RASSF5: variants seen among roughly 807,000 people sequenced by gnomAD.
RASSF5 encodes the protein ras association domain-containing protein 5.
RASSF5 carries 25 observed loss-of-function variants against 40.5 expected under a neutral mutation model. The ratio of observed to expected loss-of-function variants is 0.62; its 90% CI spans 0.45 to 0.86. The LOEUF is 0.86. Ranked by LOEUF, RASSF5 falls within the 40% of genes least tolerant of loss-of-function variation. The pLI is 0.00. For missense variants in RASSF5, 521 were observed against 572.8 expected, an observed-to-expected ratio of 0.91 and a Z score of 0.92; for synonymous variants, 246 against 252.4, an observed-to-expected ratio of 0.97 and a Z score of 0.24.
chr1:206,535,515 A>G lies in RASSF5; in HGVS notation c.458-2657A>G, dbSNP rs1413057016. On this transcript the variant is annotated intron_variant, in intron 1 of 5. Coordinates refer to ENST00000579436, the MANE Select transcript of RASSF5 (RefSeq NM_182663.4). The surrounding 1 kb of genome is among the most constrained non-coding windows in gnomAD (Gnocchi z 5.0). The stretch of plus-strand genomic sequence containing the variant: ...AAGCCCTGGGCTTGGCATTTCCAGG[A>G]CGAGGAAGTATGAAGATGTGCTTCA... 6.6e-6 allele frequency among the ~76,000 whole-genome samples: 1 copy of G among 152,162 alleles called. No homozygotes were observed. Among genetic ancestry groups the G allele is most frequent in the Non-Finnish European group, 1.5e-5 (1 of 68,018 alleles).
In RASSF5 at chr1:206,507,993, C is replaced by G. The variant is rs782046050; in HGVS notation, c.391C>G (p.Pro131Ala). Residue 131 changes from proline (P) to alanine (A), a missense_variant, in exon 1 of 6, where the codon CCG (proline) becomes GCG (alanine). This residue lies in a region of RASSF5 where 237 missense variants were observed against 212.0 expected (regional missense o/e 1.12). Coordinates refer to ENST00000579436, the MANE Select transcript of RASSF5 (RefSeq NM_182663.4). ...EGHCFAELVL[P>A]GGPGWCDLCG... ...GCACTGCTTCGCCGAGTTGGTGCTGCCGGGCGGCCCCGGCTGGTGTGACCT... is the reference window on the plus strand; with the variant it reads ...GCACTGCTTCGCCGAGTTGGTGCTGGCGGGCGGCCCCGGCTGGTGTGACCT... 5 of 1,522,586 alleles carry G rather than the reference C, an allele frequency of 3.3e-6. No individual in the cohort carries two copies. Among genetic ancestry groups the G allele is most frequent in the African/African-American group, 2.8e-5 (2 of 70,652 alleles). 94.3% of individuals were successfully genotyped at this position (1,522,586 alleles called of 1,614,324 possible). A position where few individuals can be genotyped will look rare whatever the true frequency, so the allele number is the denominator to read the frequency against.
rs536634014 is a variant in RASSF5 at position 206,540,229 on chromosome 1, G to A, written c.579+1936G>A. 1.6e-4 allele frequency among the ~76,000 whole-genome samples: 24 copies of A among 152,318 alleles called. 1 individual carries two copies. In the South Asian group the frequency reaches 5.0e-3, roughly 32 times the overall value. On this transcript the variant is annotated intron_variant, in intron 2 of 5. Coordinates refer to ENST00000579436, the MANE Select transcript of RASSF5 (RefSeq NM_182663.4). ...GACTGAGAAACCCTGCCCTAGAGTG[G>A]GCTAGCCAGCTCCCAAGTGTGGCAG... is the stretch of plus-strand genomic sequence containing the variant.
intron 2 of RASSF5, among the ~76,000 whole-genome samples, chr1:206,582,513 CAT>C (rs1348217594): frequency 6.6e-6 from 1 of 152,196 alleles, no homozygotes; most frequent in Non-Finnish European, 1.5e-5. Flanking sequence ...TTGTGAGAAT[CAT>C]ATGAGATAAT....
chr1:206,571,177 C>T (rs1553404140), intron 2 of RASSF5: 1 of 151,978 alleles, frequency 6.6e-6, no homozygotes, highest in African/African-American at 2.4e-5. Context: ...ATTTGCATTG[C>T]CCTAATGATT....
At chr1:206,582,173 G>C (rs1465756778) in intron 2 of RASSF5, among the ~76,000 whole-genome samples, 1 of 152,198 alleles carries the variant, frequency 6.6e-6, no homozygotes, top group African/African-American at 2.4e-5. Flanking sequence ...GAACTTGAGA[G>C]AGAGCCAGAG....
At chr1:206,577,160 T>G (rs1396535352) in intron 2 of RASSF5, among the ~76,000 whole-genome samples, 1 of 152,134 alleles carries the variant, frequency 6.6e-6, no homozygotes, top group Non-Finnish European at 1.5e-5. Flanking sequence ...TAGCTGCTTT[T>G]GTGCCACAAT....
At chr1:206,583,498 G>A (rs560803016) in intron 3 of RASSF5, 119 bp downstream of exon 3, 38 of 692,580 alleles carry the variant, frequency 5.5e-5, no homozygotes, top group Non-Finnish European at 8.4e-5. Context: ...CCTTTCCTCC[G>A]GCCTCCAGAG....
At chr1:206,558,342 A>C (rs903612562) in intron 2 of RASSF5, among the ~76,000 whole-genome samples, 1 of 149,378 alleles carries the variant, frequency 6.7e-6, no homozygotes, top group Non-Finnish European at 1.5e-5. Context: ...GCCTCTAGAC[A>C]CCCAGCAAGC....
chr1:206,524,771 G>A (rs1049998931), intron 1 of RASSF5, among the ~76,000 whole-genome samples: 15 of 146,644 alleles, frequency 1.0e-4, no homozygotes, highest in Non-Finnish European at 1.5e-4. Context: ...GTCCTAGCAG[G>A]GAGTCAGTTA....
At chr1:206,523,788 T>C (rs1452451147) in intron 1 of RASSF5, among the ~76,000 whole-genome samples, 1 of 102,356 alleles carries the variant, frequency 9.8e-6, no homozygotes, top group East Asian at 2.5e-4. Context: ...ATATATAATA[T>C]ATTTTATATA....
chr1:206,536,338 C>T (rs1454956386), intron 1 of RASSF5, among the ~76,000 whole-genome samples: 2 of 152,122 alleles, frequency 1.3e-5, no homozygotes, highest in Non-Finnish European at 2.9e-5. Context: ...GCTTCACTTT[C>T]GAGCACAAAG....
At chr1:206,524,599 T>C (rs1476573290) in intron 1 of RASSF5, among the ~76,000 whole-genome samples, 1 of 137,326 alleles carries the variant, frequency 7.3e-6, no homozygotes, top group Non-Finnish European at 1.5e-5. Flanking sequence ...TTATATATTA[T>C]GTATAATATA....
intron 5 of RASSF5, chr1:206,586,216 T>G (rs1669104938): frequency 6.5e-6 from 1 of 153,148 alleles, no homozygotes; most frequent in Non-Finnish European, 1.5e-5. Flanking sequence ...GAGTCTCAAT[T>G]GTTGGCCGCA....
rs1226014911 is a variant in RASSF5, at chr1:206,513,154, C to T, written c.457+5095C>T. On this transcript the variant is annotated intron_variant, in intron 1 of 5. Transcript: ENST00000579436. The surrounding 1 kb of genome is among the most constrained non-coding windows in gnomAD (Gnocchi z 5.0). ...AGGCTGCTACCTGAGGTGGGATGGC[C>T]ATGGGTGGGTCCCAGCTCCTGCACC... Among the ~76,000 whole-genome samples the T allele has an allele frequency of 1.3e-5, 2 of 152,178 alleles. No individual in the cohort carries two copies. Among genetic ancestry groups the T allele is most frequent in the African/African-American group, 4.8e-5 (2 of 41,434 alleles).
At chr1:206,573,331 T>A (rs1668518710) in intron 2 of RASSF5, among the ~76,000 whole-genome samples, 1 of 152,208 alleles carries the variant, frequency 6.6e-6, no homozygotes, top group Non-Finnish European at 1.5e-5. Context: ...CATATAGATT[T>A]TCTGACTTTC....
At chr1:206,576,008 C>G (rs1434018711) in intron 2 of RASSF5, among the ~76,000 whole-genome samples, 1 of 152,210 alleles carries the variant, frequency 6.6e-6, no homozygotes, top group Non-Finnish European at 1.5e-5. Context: ...ACCCAATCAA[C>G]AGGTATTTAT....
intron 2 of RASSF5, among the ~76,000 whole-genome samples, chr1:206,539,839 C>T (rs956945577): frequency 7.2e-5 from 11 of 152,154 alleles, no homozygotes; most frequent in African/African-American, 2.7e-4. Context: ...AGCAACATTT[C>T]CTAAAAATCT....
chr1:206,570,925 T>A (rs148397057), intron 2 of RASSF5, among the ~76,000 whole-genome samples: 7 of 152,290 alleles, frequency 4.6e-5, no homozygotes, highest in African/African-American at 1.7e-4. Context: ...TTTGAGTCCT[T>A]GCTCTCACAT....
intron 2 of RASSF5, among the ~76,000 whole-genome samples, chr1:206,549,623 T>C (rs552780126): frequency 5.3e-5 from 8 of 152,322 alleles, no homozygotes; most frequent in Non-Finnish European, 1.0e-4. Flanking sequence ...TGTGGAAATA[T>C]TCCTGAGTTT....
Sources: allele counts gnomAD v4.1 joint callset (sites outside exome capture counted in the v4.1 genomes callset), GRCh38; gene constraint gnomAD v4.1.1; regional missense constraint gnomAD v4.1.1; non-coding constraint Gnocchi (gnomAD v3.1); transcripts MANE v1.5; gene names NCBI Gene and HGNC (gene_info 2026-07-23, HGNC 2026-07-21).